RBL1: variants seen among roughly 807,000 people sequenced by gnomAD.
RBL1 encodes RB transcriptional corepressor like 1.
RBL1 carries 82 observed loss-of-function variants against 123.0 expected under a neutral mutation model. That is an observed-to-expected ratio of 0.67 (90% CI 0.56 to 0.80). RBL1 has a LOEUF of 0.80. RBL1 is among the 30% of genes least tolerant of loss of function. The pLI is 0.00. For missense variants in RBL1, 1,171 were observed against 1,299.6 expected, an observed-to-expected ratio of 0.90 and a Z score of 1.52; for synonymous variants, 405 against 441.3, an observed-to-expected ratio of 0.92 and a Z score of 1.03.
intron 19 of RBL1, among the ~76,000 whole-genome samples, chr20:37,016,660 C>T (rs1328272586): frequency 6.6e-6 from 1 of 152,100 alleles, no homozygotes; most frequent in Admixed American, 6.6e-5. Flanking sequence ...GGCATGGTGG[C>T]TTACACCTGT....
chr20:37,045,574 G>A (rs1319680202), intron 12 of RBL1, among the ~76,000 whole-genome samples: 1 of 151,922 alleles, frequency 6.6e-6, no homozygotes, highest in African/African-American at 2.4e-5. Flanking sequence ...GCAACATAGT[G>A]AAACCGAGTC....
intron 19 of RBL1, among the ~76,000 whole-genome samples, chr20:37,008,018 C>T (rs1265461605): frequency 6.6e-6 from 1 of 152,140 alleles, no homozygotes; most frequent in Non-Finnish European, 1.5e-5. Flanking sequence ...ATCTGTATTA[C>T]TTATAAGTCA....
intron 21 of RBL1, among the ~76,000 whole-genome samples, chr20:37,000,465 G>T (rs1353717482): frequency 9.6e-6 from 1 of 104,218 alleles, no homozygotes; most frequent in East Asian, 2.7e-4. Context: ...GGAGGGAGGT[G>T]GGGGGGGTCA....
At chr20:37,017,474 G>A (rs1422280731) in intron 19 of RBL1, among the ~76,000 whole-genome samples, 1 of 151,880 alleles carries the variant, frequency 6.6e-6, no homozygotes, top group South Asian at 2.1e-4. Context: ...AGAGGTGTAT[G>A]AATACTAACC....
At chr20:37,017,920 C>G (rs1218551019) in intron 19 of RBL1, among the ~76,000 whole-genome samples, 7 of 152,098 alleles carry the variant, frequency 4.6e-5, no homozygotes, top group Non-Finnish European at 1.0e-4. Context: ...CAGGTGTGAG[C>G]CACCATGCCC....
chr20:37,058,921 A>G (rs2065054390), intron 9 of RBL1, among the ~76,000 whole-genome samples: 1 of 152,042 alleles, frequency 6.6e-6, no homozygotes, highest in Admixed American at 6.6e-5. Flanking sequence ...TTCTGTAGAG[A>G]CAGGGTCTCA....
chr20:37,079,215 A>C (rs569183010), intron 2 of RBL1, among the ~76,000 whole-genome samples: 54 of 151,956 alleles, frequency 3.6e-4, no homozygotes, highest in African/African-American at 1.2e-3. Flanking sequence ...AAAAAAAAAA[A>C]AAAAAACCCT....
At chr20:37,037,988 G>GTTTTTTTT (rs57647591) in intron 14 of RBL1, among the ~76,000 whole-genome samples, 2 of 83,598 alleles carry the variant, frequency 2.4e-5, no homozygotes, top group Non-Finnish European at 4.5e-5. Flanking sequence ...CCCGGCCATT[G>GTTTTTTTT]TTTTTTTTTT....
intron 1 of RBL1, among the ~76,000 whole-genome samples, chr20:37,092,868 C>G (rs1036459609): frequency 1.2e-4 from 18 of 152,084 alleles, no homozygotes; most frequent in Admixed American, 1.1e-3. Flanking sequence ...TTGATAAAAT[C>G]CTATTTCATA....
chr20:37,048,701 A>G (rs2064854000), intron 11 of RBL1, among the ~76,000 whole-genome samples: 1 of 152,062 alleles, frequency 6.6e-6, no homozygotes. Context: ...GTCTCATTCA[A>G]ATTTAAGTGG....
At chr20:37,007,342 G>GGA in intron 20 of RBL1, 69 bp downstream of exon 20, 6 of 1,520,312 alleles carry the variant, frequency 3.9e-6, no homozygotes, top group Non-Finnish European at 5.4e-6. Flanking sequence ...TATTTATCTA[G>GGA]CAAAATAAAC....
chr20:37,012,374 A>G (rs1211549047), intron 19 of RBL1, among the ~76,000 whole-genome samples: 22 of 142,018 alleles, frequency 1.5e-4, no homozygotes, highest in Middle Eastern at 3.6e-3. Flanking sequence ...AGTCTGGAAA[A>G]TGAGGAGCAT....
chr20:37,055,309 G>GAAAAAAAAA (rs59560599), intron 11 of RBL1, among the ~76,000 whole-genome samples: 3 of 84,030 alleles, frequency 3.6e-5, no homozygotes, highest in South Asian at 4.6e-4. Context: ...ATGAAGGACA[G>GAAAAAAAAA]AAAAAAAAAA....
intron 19 of RBL1, among the ~76,000 whole-genome samples, chr20:37,009,029 C>CTT (rs541774638): frequency 6.8e-6 from 1 of 146,298 alleles, no homozygotes; most frequent in Non-Finnish European, 1.5e-5. Flanking sequence ...CCCCAAAACA[C>CTT]TTTTTTTTTT....
intron 11 of RBL1, among the ~76,000 whole-genome samples, chr20:37,050,785 G>GA (rs982880169): frequency 4.0e-5 from 6 of 148,354 alleles, no homozygotes; most frequent in East Asian, 3.9e-4. Flanking sequence ...ACACATGAAT[G>GA]AAAAAAAACA....
intron 18 of RBL1, among the ~76,000 whole-genome samples, chr20:37,019,021 T>C (rs566938639): frequency 1.4e-4 from 22 of 151,960 alleles, no homozygotes; most frequent in African/African-American, 4.3e-4. Context: ...CTTAATTCCT[T>C]ACACAACAAT....
At chr20:37,087,014 CAA>C (rs1276624949) in intron 2 of RBL1, among the ~76,000 whole-genome samples, 1 of 152,092 alleles carries the variant, frequency 6.6e-6, no homozygotes, top group African/African-American at 2.4e-5. Context: ...TAATAGGAGA[CAA>C]ATCCAAAATT....
intron 9 of RBL1, among the ~76,000 whole-genome samples, chr20:37,057,442 T>C (rs2065028260): frequency 6.6e-6 from 1 of 151,810 alleles, no homozygotes; most frequent in African/African-American, 2.4e-5. Context: ...TGATTTTGAT[T>C]TGTAACTCCC....
At chr20:37,095,636 C>T in intron 1 of RBL1, 137 bp downstream of exon 1, 1 of 703,612 alleles carries the variant, frequency 1.4e-6, no homozygotes, top group Non-Finnish European at 2.1e-6. Context: ...CCCACCTTTC[C>T]CGCCCCTCGG....
Sources: allele counts gnomAD v4.1 joint callset (sites outside exome capture counted in the v4.1 genomes callset), GRCh38; gene constraint gnomAD v4.1.1; transcripts MANE v1.5; gene names NCBI Gene and HGNC (gene_info 2026-07-23, HGNC 2026-07-21).